The following GRM5 variants were observed in gnomAD, a reference collection of about 807,000 sequenced individuals.
GRM5 encodes the protein glutamate metabotropic receptor 5.
GRM5 carries 19 observed loss-of-function variants against 83.1 expected under a neutral mutation model. That is an observed-to-expected ratio of 0.23 (90% CI 0.16 to 0.34). The LOEUF (loss-of-function observed/expected upper bound fraction) is 0.34, where lower values mean the gene tolerates loss of function less well. Among genes scored for constraint, GRM5 ranks in the 10% least tolerant of loss-of-function variants. The pLI is 1.00. For missense variants in GRM5, 1,160 were observed against 1,588.3 expected (o/e 0.73, Z 4.58); for synonymous variants, 675 against 633.6 (o/e 1.07, Z -0.98).
intron 3 of GRM5, among the ~76,000 whole-genome samples, chr11:88,767,729 T>A (rs567006833): frequency 6.6e-6 from 1 of 151,842 alleles, no homozygotes; most frequent in Non-Finnish European, 1.5e-5. Context: ...TTGGATCCTA[T>A]GCTTATTACC....
intron 3 of GRM5, among the ~76,000 whole-genome samples, chr11:88,842,833 T>C (rs1944227875): frequency 6.6e-6 from 1 of 152,222 alleles, no homozygotes; most frequent in Non-Finnish European, 1.5e-5. Flanking sequence ...ATATCTCTTC[T>C]GAGCTCTCAA....
chr11:88,706,756 C>G (rs1344067963), intron 3 of GRM5, among the ~76,000 whole-genome samples: 4 of 151,906 alleles, frequency 2.6e-5, no homozygotes, highest in African/African-American at 9.7e-5. Context: ...ACAAATTCTC[C>G]AAGATATGAA....
chr11:88,796,952 G>T lies in GRM5; in HGVS notation c.911+52954C>A, dbSNP rs116276453. ...TGTGTGTGTGTGTGTACAGAAACAA[G>T]CATAGTTTTATTACACTCTTAGAAC... On this transcript the variant is annotated intron_variant, in intron 3 of 9. Coordinates refer to ENST00000305447, the MANE Select transcript of GRM5 (RefSeq NM_001143831.3). 2.8e-3 allele frequency among the ~76,000 whole-genome samples: 409 copies of T among 148,194 alleles called. 3 individuals are homozygous for T. Among genetic ancestry groups the T allele is most frequent in the African/African-American group, 9.4e-3 (379 of 40,474 alleles).
chr11:88,666,625 A>G (rs2135325403), intron 3 of GRM5, among the ~76,000 whole-genome samples: 1 of 152,338 alleles, frequency 6.6e-6, no homozygotes, highest in Admixed American at 6.5e-5. Flanking sequence ...AAACCATTGC[A>G]GATAGTAACC....
chr11:88,893,334 A>G (rs1370333513), intron 2 of GRM5, among the ~76,000 whole-genome samples: 1 of 152,032 alleles, frequency 6.6e-6, no homozygotes, highest in Non-Finnish European at 1.5e-5. Flanking sequence ...GTTGTTTAAA[A>G]GAGGGATGTT....
At chr11:88,785,975 T>G (rs940224684) in intron 3 of GRM5, among the ~76,000 whole-genome samples, 2 of 152,128 alleles carry the variant, frequency 1.3e-5, no homozygotes, top group Non-Finnish European at 2.9e-5. Flanking sequence ...AGGATGCCCA[T>G]TCACTTAGTG....
intron 7 of GRM5, among the ~76,000 whole-genome samples, chr11:88,587,324 G>A (rs1052801601): frequency 6.6e-6 from 1 of 152,116 alleles, no homozygotes; most frequent in Non-Finnish European, 1.5e-5. Context: ...CACATTCCAG[G>A]TGGAGAAGAC....
At chr11:88,892,706 GC>G (rs942188050) in intron 2 of GRM5, among the ~76,000 whole-genome samples, 4 of 151,952 alleles carry the variant, frequency 2.6e-5, no homozygotes, top group Admixed American at 2.0e-4. Flanking sequence ...TTGTTTTTAA[GC>G]TTTTTACCTA....
At chr11:88,761,950 C>T (rs1406119439) in intron 3 of GRM5, among the ~76,000 whole-genome samples, 1 of 151,874 alleles carries the variant, frequency 6.6e-6, no homozygotes. Context: ...GGAGAAAGGA[C>T]CCTCTATTCA....
chr11:88,791,315 G>A (rs887102589), intron 3 of GRM5, among the ~76,000 whole-genome samples: 44 of 152,126 alleles, frequency 2.9e-4, no homozygotes, highest in African/African-American at 4.3e-4. Flanking sequence ...AGGTGAATAC[G>A]TTAGGAGAGA....
At chr11:88,741,224 G>A (rs535269197) in intron 3 of GRM5, among the ~76,000 whole-genome samples, 3 of 152,032 alleles carry the variant, frequency 2.0e-5, no homozygotes, top group Non-Finnish European at 4.4e-5. Context: ...ATACCATGAA[G>A]ATAATCAGGC....
intron 2 of GRM5, among the ~76,000 whole-genome samples, chr11:88,966,715 G>T (rs532667325): frequency 6.6e-6 from 1 of 152,220 alleles, no homozygotes; most frequent in South Asian, 2.1e-4. Context: ...CAAGTTCATG[G>T]ACTTCAATGG....
At chr11:88,882,506 A>G (rs1291466304) in intron 2 of GRM5, among the ~76,000 whole-genome samples, 9 of 150,604 alleles carry the variant, frequency 6.0e-5, no homozygotes, top group Non-Finnish European at 4.4e-5. Flanking sequence ...GCTCGCAGTG[A>G]GCCGAGATAG....
intron 1 of GRM5, among the ~76,000 whole-genome samples, chr11:89,058,514 A>G (rs1374178763): frequency 6.6e-6 from 1 of 152,212 alleles, no homozygotes; most frequent in Non-Finnish European, 1.5e-5. Context: ...GTCATGAAAG[A>G]AGAGCATACC....
chr11:88,699,387 C>A (rs1028538892), intron 3 of GRM5, among the ~76,000 whole-genome samples: 6 of 152,146 alleles, frequency 3.9e-5, no homozygotes, highest in Non-Finnish European at 8.8e-5. Flanking sequence ...TTCTTATTAT[C>A]CTTTAAAATG....
chr11:88,616,926 C>T (rs1030900671), intron 4 of GRM5, among the ~76,000 whole-genome samples: 10 of 152,134 alleles, frequency 6.6e-5, no homozygotes, highest in African/African-American at 2.2e-4. Flanking sequence ...GTGTTCCTCA[C>T]AGATGTAGCC....
At chr11:88,533,010 T>C (rs1942049053) in intron 8 of GRM5, among the ~76,000 whole-genome samples, 1 of 152,184 alleles carries the variant, frequency 6.6e-6, no homozygotes, top group African/African-American at 2.4e-5. Flanking sequence ...TTCTGCTTTG[T>C]CTGTTACTAA....
chr11:88,781,009 C>T (rs1342561770), intron 3 of GRM5, among the ~76,000 whole-genome samples: 2 of 151,612 alleles, frequency 1.3e-5, no homozygotes, highest in Middle Eastern at 3.4e-3. Flanking sequence ...TGAAAATAAC[C>T]TCAGGCTGAT....
chr11:88,517,260 A>G (rs1215910953), intron 9 of GRM5, among the ~76,000 whole-genome samples: 1 of 151,998 alleles, frequency 6.6e-6, no homozygotes, highest in African/African-American at 2.4e-5. Flanking sequence ...AAAACTGAGG[A>G]TTAGAGAGGT....
Sources: gnomAD v4.1 joint callset for allele counts (sites outside exome capture counted in the v4.1 genomes callset) on GRCh38, gnomAD v4.1.1 for gene constraint, MANE v1.5 for transcripts, NCBI Gene and HGNC (gene_info 2026-07-23, HGNC 2026-07-21) for gene names.